Variants in C9orf72 observed in about 807,000 individuals in gnomAD.
C9orf72 encodes the protein guanine nucleotide exchange factor C9orf72.
In C9orf72, 44 loss-of-function variants were observed where a neutral mutation model predicts 51.6. That is an observed-to-expected ratio of 0.85 (90% CI 0.67 to 1.10). The LOEUF (loss-of-function observed/expected upper bound fraction) is 1.10, where lower values mean the gene tolerates loss of function less well. C9orf72 is among the 50% of genes least tolerant of loss of function. C9orf72 has a pLI of 0.00. For missense variants in C9orf72, 607 were observed against 570.6 expected, an observed-to-expected ratio of 1.06 and a Z score of -0.65; for synonymous variants, 213 against 194.2, an observed-to-expected ratio of 1.10 and a Z score of -0.81.
At chr9:27,548,512 A>G (rs1279321963) in intron 10 of C9orf72, 45 bp downstream of exon 10, 1 of 1,473,342 alleles carries the variant, frequency 6.8e-7, no homozygotes, top group East Asian at 2.3e-5. Flanking sequence ...CAAAACAAAA[A>G]AACAATGTAC....
intron 2 of C9orf72, 89 bp downstream of exon 2, chr9:27,566,588 T>C: frequency 1.1e-6 from 1 of 893,878 alleles, no homozygotes; most frequent in Non-Finnish European, 1.7e-6. Context: ...GTTCACTGCA[T>C]ATAATTAAAA....
intron 1 of C9orf72, among the ~76,000 whole-genome samples, chr9:27,571,790 C>G (rs771559013): frequency 5.3e-5 from 8 of 152,114 alleles, no homozygotes; most frequent in Admixed American, 1.3e-4. Flanking sequence ...TTATTTTCTC[C>G]CAGCCCAAAG....
At chr9:27,570,023 C>A (rs1217234004) in intron 1 of C9orf72, among the ~76,000 whole-genome samples, 1 of 152,198 alleles carries the variant, frequency 6.6e-6, no homozygotes, top group Non-Finnish European at 1.5e-5. Flanking sequence ...AAACAGTTAA[C>A]TCTAAGTATG....
At chr9:27,572,166 T>C (rs1819600800) in intron 1 of C9orf72, among the ~76,000 whole-genome samples, 1 of 152,254 alleles carries the variant, frequency 6.6e-6, no homozygotes, top group African/African-American at 2.4e-5. Context: ...CTTGTAATTT[T>C]TTCCTGGAGC....
intron 1 of C9orf72, among the ~76,000 whole-genome samples, chr9:27,568,075 C>T (rs1433289198): frequency 9.9e-6 from 1 of 101,166 alleles, no homozygotes; most frequent in Admixed American, 1.1e-4. Context: ...ACTTTAAAGC[C>T]GCTAAAAGGT....
At chr9:27,573,552 C>G (rs1819648584), upstream of C9orf72, 1 of 150,800 alleles carries the variant, frequency 6.6e-6, no homozygotes, top group Admixed American at 6.6e-5. Context: ...GCCCCTAGCG[C>G]GCGACTCCTG....
Position 27,548,657 on chromosome 9 carries a change from G to C in C9orf72, c.1159C>G (p.Leu387Val). The C allele has an allele frequency of 6.3e-7, 1 of 1,598,720 alleles. No homozygotes were observed. The highest frequency in any genetic ancestry group is 8.6e-7 in the Non-Finnish European group (1 of 1,166,140). Reference protein sequence around the residue: ...VKAFLDQVFQLKPGLSLRSTF... With the variant: ...VKAFLDQVFQVKPGLSLRSTF... ...CTTCTGAGAGATAAGCCAGGTTTCA[G>C]CTGAAAGACCTGCAGGGAGAGGAAC... The change falls in exon 10 of 11, where the codon CTG becomes GTG. Residue 387 changes from leucine (L) to valine (V), a missense_variant. Transcript: ENST00000380003.
chr9:27,553,075 C>T lies in C9orf72; in HGVS notation c.1092-2368G>A, dbSNP rs574475798. Among the ~76,000 whole-genome samples, 20 of 152,100 alleles carry T rather than the reference C, an allele frequency of 1.3e-4. No individual in the cohort carries two copies. The South Asian group carries it at 4.2e-3, about 32-fold the overall frequency. On this transcript the variant is annotated intron_variant, in intron 8 of 10. Transcript: ENST00000380003. ...ATACATCAGGTATAAAGAGATGACA[C>T]AAACACATGGAAAAACATTCCATAT...
intron 3 of C9orf72, among the ~76,000 whole-genome samples, chr9:27,563,829 TTTACAA>T (rs1388178977): frequency 6.6e-6 from 1 of 152,172 alleles, no homozygotes; most frequent in Non-Finnish European, 1.5e-5. Context: ...ATCATGCCTG[TTTACAA>T]TTACAATTCA....
At chr9:27,552,515 ATT>A (rs71492751) in intron 8 of C9orf72, among the ~76,000 whole-genome samples, 1,821 of 105,572 alleles carry the variant, frequency 0.017, 18 homozygotes, top group African/African-American at 0.06. Flanking sequence ...TACCAAGCTA[ATT>A]TTTTTTTTTT....
In C9orf72 at chr9:27,560,311, A is replaced by G; in HGVS notation, c.666-12T>C. 6.3e-7 allele frequency: 1 copy of G among 1,598,888 alleles called. No homozygotes were observed. Among genetic ancestry groups the G allele is most frequent in the Non-Finnish European group, 8.5e-7 (1 of 1,172,852 alleles). On this transcript the variant is annotated splice_polypyrimidine_tract_variant and intron_variant, in intron 5 of 10. Transcript: ENST00000380003. ...GTGAGCTGATGGCACTGTAAGTTAAAGAAAACAGATTAAAAACATTGCCTA... is the reference window on the plus strand; with the variant it reads ...GTGAGCTGATGGCACTGTAAGTTAAGGAAAACAGATTAAAAACATTGCCTA...
At chr9:27,555,990 G>T (rs1821002880) in intron 8 of C9orf72, among the ~76,000 whole-genome samples, 1 of 147,896 alleles carries the variant, frequency 6.8e-6, no homozygotes, top group Non-Finnish European at 1.5e-5. Flanking sequence ...TTCAAGTTGG[G>T]TCCATGCTCA....
At chr9:27,552,922 A>G (rs953425340) in intron 8 of C9orf72, among the ~76,000 whole-genome samples, 1 of 152,108 alleles carries the variant, frequency 6.6e-6, no homozygotes, top group Non-Finnish European at 1.5e-5. Context: ...ATTGGCCTGA[A>G]GTTTTCTTTT....
Position 27,556,646 on chromosome 9 carries a change from G to C in C9orf72, c.1006C>G (p.Leu336Val). The change falls in exon 8 of 11, where the codon CTG (leucine) becomes GTG (valine). Residue 336 changes from leucine to valine, a missense_variant. Transcript: ENST00000380003. ...YNQRRYMRSELTAFWRATSEE... is the reference protein window; with the variant it reads ...YNQRRYMRSEVTAFWRATSEE... Reference sequence around the variant, plus strand: ...GAAGTGGCTCTCCAGAAGGCTGTCAGCTCGGATCTCATGTATCTACGCTGA... The same window carrying C: ...GAAGTGGCTCTCCAGAAGGCTGTCACCTCGGATCTCATGTATCTACGCTGA... 1 of 1,613,978 alleles carries C rather than the reference G, an allele frequency of 6.2e-7. No homozygotes were observed. The highest frequency in any genetic ancestry group is 8.5e-7 in the Non-Finnish European group (1 of 1,179,900).
chr9:27,557,054 C>T (rs562084092), intron 7 of C9orf72, among the ~76,000 whole-genome samples: 1 of 152,104 alleles, frequency 6.6e-6, no homozygotes, highest in South Asian at 2.1e-4. Context: ...TATTTGGCAT[C>T]TATAGATGAA....
chr9:27,566,232 CTCA>C (rs1371710549), intron 2 of C9orf72, among the ~76,000 whole-genome samples: 23 of 152,146 alleles, frequency 1.5e-4, no homozygotes, highest in Admixed American at 1.5e-3. Flanking sequence ...ATTCAACCTC[CTCA>C]TTTTATGAAC....
At chr9:27,554,943 C>G (rs780378173) in intron 8 of C9orf72, among the ~76,000 whole-genome samples, 3 of 152,064 alleles carry the variant, frequency 2.0e-5, no homozygotes, top group Non-Finnish European at 4.4e-5. Context: ...GCAAAACAAA[C>G]ATAGCTGGCT....
At position 27,548,303 on chromosome 9, in the gene C9orf72, T is replaced by C; in HGVS notation, c.1379A>G (p.His460Arg). ...ALAEKIKPGL[H>R]SFIFGRPFYT... ...GAAAGGTCTTCCAAAGATAAAAGAG[T>C]GTAGGCCTGGTTTAATTTTCTCAGC... The change falls in exon 11 of 11, where the codon CAC (histidine) becomes CGC (arginine). Residue 460 changes from histidine (H) to arginine (R), a missense_variant. Coordinates refer to ENST00000380003, the MANE Select transcript of C9orf72 (RefSeq NM_018325.5). 6.2e-7 allele frequency: 1 copy of C among 1,610,892 alleles called. No individual in the cohort carries two copies. The highest frequency in any genetic ancestry group is 8.5e-7 in the Non-Finnish European group (1 of 1,178,530).
In C9orf72 at chr9:27,548,625, GA is replaced by G; in HGVS notation, c.1190del (p.Phe397SerfsTer14). 1 of 1,612,628 alleles carries G rather than the reference GA, an allele frequency of 6.2e-7. No individual in the cohort carries two copies. Among genetic ancestry groups the G allele is most frequent in the Non-Finnish European group, 8.5e-7 (1 of 1,178,730 alleles). ...GAAGGACAAGTAGAAACTGTGCAAG[GA>G]AAGTACTTCTGAGAGATAAGCCAGG... ...LKPGLSLRST[F>X]LAQFLLVLHR... On this transcript the variant is annotated frameshift_variant, in exon 10 of 11. Transcript: ENST00000380003. LOFTEE classifies it high-confidence loss of function.
Sources: gnomAD v4.1 joint callset for allele counts (sites outside exome capture counted in the v4.1 genomes callset) on GRCh38, gnomAD v4.1.1 for gene constraint, MANE v1.5 for transcripts, NCBI Gene and HGNC (gene_info 2026-07-23, HGNC 2026-07-21) for gene names.